The following IL4 variants were observed in gnomAD, a reference collection of about 807,000 sequenced individuals.
IL4 encodes interleukin 4, also known as interleukin-4.
In IL4, 10 loss-of-function variants were observed where a neutral mutation model predicts 17.4. The observed-to-expected ratio is 0.57, with a 90% CI of 0.35 to 0.97. The LOEUF (loss-of-function observed/expected upper bound fraction) is 0.97, where lower values mean the gene tolerates loss of function less well. Among genes scored for constraint, IL4 ranks in the 50% least tolerant of loss-of-function variants. The pLI, the probability that IL4 is intolerant of heterozygous loss-of-function variation, is 0.01. For missense variants in IL4, 174 were observed against 187.7 expected (o/e 0.93, Z 0.43); for synonymous variants, 87 against 79.0 (o/e 1.10, Z -0.54).
chr5:132,682,617 T>G lies in IL4; in HGVS notation c.*30T>G. On this transcript the variant is annotated 3_prime_UTR_variant, in exon 4 of 4. Transcript: ENST00000231449. The stretch of plus-strand genomic sequence containing the variant: ...TTTAATTTATGAGTTTTTGATAGCT[T>G]TATTTTTTAAGTATTTATATATTTA... 1 of 1,138,134 alleles carries G rather than the reference T, an allele frequency of 8.8e-7. No individual in the cohort carries two copies. Among genetic ancestry groups the G allele is most frequent in the Non-Finnish European group, 1.3e-6 (1 of 775,402 alleles). 70.5% of individuals were successfully genotyped at this position (1,138,134 alleles called of 1,614,324 possible).
chr5:132,675,432 A>G (rs1470537668), intron 2 of IL4, among the ~76,000 whole-genome samples: 1 of 151,772 alleles, frequency 6.6e-6, no homozygotes, highest in African/African-American at 2.4e-5. Flanking sequence ...CAGACCATAG[A>G]ACAGGGCCCA....
intron 2 of IL4, among the ~76,000 whole-genome samples, chr5:132,676,422 G>A (rs185046016): frequency 6.6e-6 from 1 of 152,290 alleles, no homozygotes; most frequent in East Asian, 1.9e-4. Flanking sequence ...AGGATGCCGA[G>A]TCTGGGGCAA....
chr5:132,675,669 C>T (rs1752362581), intron 2 of IL4, among the ~76,000 whole-genome samples: 1 of 152,036 alleles, frequency 6.6e-6, no homozygotes, highest in Non-Finnish European at 1.5e-5. Context: ...CTACCTCAGC[C>T]TCCCAAGTAG....
chr5:132,674,536 C>A (rs1300197132), intron 2 of IL4, 30 bp downstream of exon 2: 2 of 1,588,722 alleles, frequency 1.3e-6, no homozygotes, highest in Non-Finnish European at 1.7e-6. Flanking sequence ...TCTGTTTTAG[C>A]AAATGGGGAG....
Position 132,680,076 on chromosome 5 carries a change from C to T in IL4, c.360+186C>T, listed in dbSNP as rs1294212716. The stretch of plus-strand genomic sequence containing the variant: ...GGTTCTAGGTGCTGAGGACGTGTCA[C>T]TAAAGACACGCAGGCCGAGTCCCTG... On this transcript the variant is annotated intron_variant, in intron 3 of 3. Transcript: ENST00000231449. This position sits in a 1 kb window ranked among gnomAD's most constrained non-coding sequence, Gnocchi z 4.3. 6.6e-6 allele frequency among the ~76,000 whole-genome samples: 1 copy of T among 151,238 alleles called. No individual in the cohort carries two copies. The highest frequency in any genetic ancestry group is 1.5e-5 in the Non-Finnish European group (1 of 68,010).
intron 2 of IL4, among the ~76,000 whole-genome samples, chr5:132,678,769 A>G (rs552903621): frequency 5.8e-4 from 89 of 152,348 alleles, no homozygotes; most frequent in African/African-American, 2.1e-3. Flanking sequence ...ACTGGGCTCA[A>G]GCTAAGAACC....
At chr5:132,677,189 G>A (rs1314036091) in intron 2 of IL4, among the ~76,000 whole-genome samples, 1 of 152,222 alleles carries the variant, frequency 6.6e-6, no homozygotes, top group Admixed American at 6.5e-5. Flanking sequence ...TGCCAATCGG[G>A]CTGGATTTAT....
chr5:132,682,149 C>T (rs1359995282), intron 3 of IL4, among the ~76,000 whole-genome samples: 4 of 152,118 alleles, frequency 2.6e-5, no homozygotes, highest in African/African-American at 7.2e-5. Flanking sequence ...AGTAGAGCAC[C>T]GGGCAGGTCT....
intron 2 of IL4, among the ~76,000 whole-genome samples, chr5:132,676,029 G>T (rs542787785): frequency 6.6e-6 from 1 of 151,510 alleles, no homozygotes; most frequent in African/African-American, 2.4e-5. Flanking sequence ...TGAGCACTGG[G>T]TCTCTGGAGG....
intron 2 of IL4, among the ~76,000 whole-genome samples, chr5:132,675,033 T>A (rs1038665198): frequency 2.6e-5 from 4 of 151,912 alleles, no homozygotes; most frequent in Non-Finnish European, 5.9e-5. Flanking sequence ...CCAGAGCTCC[T>A]CAGCTTGCTC....
chr5:132,682,180 C>T (rs1324425641), intron 3 of IL4, among the ~76,000 whole-genome samples: 1 of 152,118 alleles, frequency 6.6e-6, no homozygotes, highest in African/African-American at 2.4e-5. Flanking sequence ...CTTCAAGTTC[C>T]ACCCTCTGAG....
At chr5:132,675,911 GTA>G (rs1561676279) in intron 2 of IL4, among the ~76,000 whole-genome samples, 5 of 118,918 alleles carry the variant, frequency 4.2e-5, no homozygotes, top group Non-Finnish European at 3.4e-5. Flanking sequence ...ATGTGTGTAT[GTA>G]TATATGTGTA....
intron 2 of IL4, among the ~76,000 whole-genome samples, chr5:132,675,846 T>TG (rs1491409664): frequency 1.1e-3 from 98 of 92,688 alleles, no homozygotes; most frequent in African/African-American, 3.4e-3. Context: ...TGGGCAACAG[T>TG]TTATGTGTGT....
intron 2 of IL4, 47 bp downstream of exon 2, chr5:132,674,553 C>T (rs780568073): frequency 6.7e-7 from 1 of 1,483,472 alleles, no homozygotes; most frequent in Non-Finnish European, 9.4e-7. Flanking sequence ...GGAGATCCAT[C>T]CCCAAATGTC....
chr5:132,682,300 T>C (rs1017338694), intron 3 of IL4, among the ~76,000 whole-genome samples, 186 bp from the exon 4 acceptor site: 2 of 151,502 alleles, frequency 1.3e-5, no homozygotes, highest in Non-Finnish European at 2.9e-5. Flanking sequence ...GAAGTGTAAG[T>C]AGTATGCACC....
Position 132,674,082 on chromosome 5 carries a change from T to C in IL4, c.32T>C (p.Leu11Pro). MGLTSQLLPP[L>P]FFLLACAGNF... is the part of the protein sequence containing the mutation. ...CTCACCTCCCAACTGCTTCCCCCTC[T>C]GTTCTTCCTGCTAGCATGTGCCGGC... is the stretch of plus-strand genomic sequence containing the variant. Residue 11 changes from leucine to proline, a missense_variant, in exon 1 of 4, where the codon CTG (leucine) becomes CCG (proline). Physicochemically the swap from Leu to Pro is moderately conservative, Grantham distance 98. Coordinates refer to ENST00000231449, the MANE Select transcript of IL4 (RefSeq NM_000589.4). 6.2e-7 allele frequency: 1 copy of C among 1,614,224 alleles called. No individual in the cohort carries two copies. Among genetic ancestry groups the C allele is most frequent in the Non-Finnish European group, 8.5e-7 (1 of 1,180,028 alleles).
At chr5:132,679,642 A>G in intron 2 of IL4, 72 bp from the exon 3 acceptor site, 1 of 1,342,990 alleles carries the variant, frequency 7.4e-7, no homozygotes, top group South Asian at 1.4e-5. Context: ...AGAAGAAATC[A>G]AGAGGAAAAA....
At chr5:132,675,284 AAC>A (rs1159674396) in intron 2 of IL4, among the ~76,000 whole-genome samples, 1 of 152,190 alleles carries the variant, frequency 6.6e-6, no homozygotes, top group African/African-American at 2.4e-5. Context: ...TTTTCATGGA[AAC>A]ACACGGCTGA....
At chr5:132,676,239 G>C (rs983152513) in intron 2 of IL4, among the ~76,000 whole-genome samples, 3 of 152,190 alleles carry the variant, frequency 2.0e-5, no homozygotes, top group Non-Finnish European at 4.4e-5. Context: ...TTCCACATGT[G>C]AAGATATGAA....
Sources: gnomAD v4.1 joint callset for allele counts (sites outside exome capture counted in the v4.1 genomes callset) on GRCh38, gnomAD v4.1.1 for gene constraint, Gnocchi (gnomAD v3.1) non-coding constraint, MANE v1.5 for transcripts, NCBI Gene and HGNC (gene_info 2026-07-23, HGNC 2026-07-21) for gene names.